COL5A1: variants seen among roughly 807,000 people sequenced by gnomAD.
COL5A1 encodes the protein collagen type V alpha 1 chain.
In COL5A1, 16 loss-of-function variants were observed where a neutral mutation model predicts 263.7. The ratio of observed to expected loss-of-function variants is 0.06; its 90% CI spans 0.04 to 0.09. The LOEUF is 0.09. Among genes scored for constraint, COL5A1 ranks in the 10% least tolerant of loss-of-function variants. The pLI is 1.00. For missense variants in COL5A1, 2,036 were observed against 2,540.5 expected (o/e 0.80, Z 4.27); for synonymous variants, 1,012 against 1,004.5 (o/e 1.01, Z -0.14).
rs1341828484 is a variant in COL5A1 at position 134,647,453 on chromosome 9, ATG to A, written c.109+5161_109+5162del. Among the ~76,000 whole-genome samples, 1 of 152,134 alleles carries A rather than the reference ATG, an allele frequency of 6.6e-6. No homozygotes were observed. Among genetic ancestry groups the A allele is most frequent in the Non-Finnish European group, 1.5e-5 (1 of 68,016 alleles). On this transcript the variant is annotated intron_variant, in intron 1 of 65. Coordinates refer to ENST00000371817, the MANE Select transcript of COL5A1 (RefSeq NM_000093.5). The surrounding 1 kb of genome is among the most constrained non-coding windows in gnomAD (Gnocchi z 5.0). Reference sequence around the variant, plus strand: ...ATCTCCCCGCGATCTGCCTGCACACATGTGTTTGTGGGTATACATGTGTGTTT... The same window carrying A: ...ATCTCCCCGCGATCTGCCTGCACACATGTTTGTGGGTATACATGTGTGTTT...
At chr9:134,669,311 C>A (rs1020186167) in intron 1 of COL5A1, among the ~76,000 whole-genome samples, 1 of 129,956 alleles carries the variant, frequency 7.7e-6, no homozygotes, top group Non-Finnish European at 1.6e-5. Context: ...CCTCCCCTCC[C>A]CTTCCCTTCT....
At position 134,815,604 on chromosome 9, in the gene COL5A1, G is replaced by GC. The variant is rs758337699; in HGVS notation, c.4050dup (p.Gly1351ArgfsTer14). The GC allele has an allele frequency of 8.1e-6, 13 of 1,613,438 alleles. No individual in the cohort carries two copies. Among genetic ancestry groups the GC allele is most frequent in the Non-Finnish European group, 8.5e-7 (1 of 1,179,850 alleles). On this transcript the variant is annotated frameshift_variant, in exon 51 of 66. Coordinates refer to ENST00000371817, the MANE Select transcript of COL5A1 (RefSeq NM_000093.5). LOFTEE classifies it high-confidence loss of function. ...CCAGTGGGTTTTCCTGGAGATCCTG[G>GC]CCCCCCCGGAGAGCCTGGCCCCGCG...
rs372437771 is a variant in COL5A1, at chr9:134,714,661, G to A, written c.655-12605G>A. Among the ~76,000 whole-genome samples the A allele has an allele frequency of 1.3e-4, 14 of 109,702 alleles. No homozygotes were observed. In the East Asian group the frequency reaches 2.7e-3, roughly 21 times the overall value. The allele number at this position is 109,702 out of a possible 152,430, so 72.0% of individuals were successfully genotyped here. A position where few individuals can be genotyped will look rare whatever the true frequency, so the allele number is the denominator to read the frequency against. On this transcript the variant is annotated intron_variant, in intron 4 of 65. Transcript: ENST00000371817. ...TGATGGTGGTGGTGGTGGTGGAGGC[G>A]ATGATAGTGGTGGTGGTGGTGATGC...
intron 1 of COL5A1, among the ~76,000 whole-genome samples, chr9:134,665,312 C>T (rs1210097622): frequency 6.6e-6 from 1 of 152,236 alleles, no homozygotes; most frequent in Non-Finnish European, 1.5e-5. Context: ...GCAGCACTGT[C>T]TGGAAGGGCG....
Position 134,795,295 on chromosome 9 carries a change from A to T in COL5A1, c.2779A>T (p.Thr927Ser), listed in dbSNP as rs751530318. The T allele has an allele frequency of 5.6e-6, 9 of 1,613,714 alleles. No individual in the cohort carries two copies. The highest frequency in any genetic ancestry group is 6.8e-6 in the Non-Finnish European group (8 of 1,179,952). Residue 927 changes from threonine to serine, a missense_variant, in exon 34 of 66, where the codon ACT becomes TCT. By Grantham distance (58) the Thr-to-Ser change is moderately conservative. Transcript: ENST00000371817. Reference protein sequence around the residue: ...PRGERGPRGITGKPGPKGNSG... With the variant: ...PRGERGPRGISGKPGPKGNSG... ...GGGTGAAAGAGGCCCCCGGGGCATC[A>T]CTGGGAAGCCTGGCCCCAAGGTATG...
intron 25 of COL5A1, among the ~76,000 whole-genome samples, chr9:134,770,034 C>T (rs1219876616): frequency 2.0e-5 from 3 of 152,154 alleles, no homozygotes; most frequent in Admixed American, 6.5e-5. Context: ...TGTCCCTTCC[C>T]CAGCCCGAAT....
chr9:134,658,463 G>A (rs993106335), intron 1 of COL5A1, among the ~76,000 whole-genome samples: 14 of 152,120 alleles, frequency 9.2e-5, no homozygotes, highest in African/African-American at 2.2e-4. Flanking sequence ...GCCCCTGCAC[G>A]TCCCCCCGCC....
At chr9:134,668,954 CCCATCCATCCATCCAT>C (rs760262319) in intron 1 of COL5A1, among the ~76,000 whole-genome samples, 1 of 110,396 alleles carries the variant, frequency 9.1e-6, no homozygotes, top group Non-Finnish European at 1.8e-5. Context: ...CACCCACCCA[CCCATCCATCCATCCAT>C]CCATCCATCC....
Position 134,843,533 on chromosome 9 carries a change from G to T in COL5A1, c.*1230G>T, listed in dbSNP as rs138607614. The T allele has an allele frequency of 4.6e-5, 7 of 152,762 alleles. No homozygotes were observed. The highest frequency in any genetic ancestry group is 1.7e-4 in the African/African-American group (7 of 41,530). The allele number at this position is 152,762 out of a possible 1,614,324, so 9.5% of individuals were successfully genotyped here. On this transcript the variant is annotated 3_prime_UTR_variant, in exon 66 of 66. Coordinates refer to ENST00000371817, the MANE Select transcript of COL5A1 (RefSeq NM_000093.5). ...ATGCACGTCACTTTCCTTTCCACTG[G>T]GCAGGATAGCCAAGCACACTCCCTC...
At chr9:134,805,368 G>A (rs920071493) in intron 41 of COL5A1, among the ~76,000 whole-genome samples, 154 bp downstream of exon 41, 3 of 152,152 alleles carry the variant, frequency 2.0e-5, no homozygotes, top group South Asian at 2.1e-4. Flanking sequence ...AGGGAGATGC[G>A]GACGGCGCAT....
intron 4 of COL5A1, among the ~76,000 whole-genome samples, chr9:134,703,070 G>A (rs1440183942): frequency 6.6e-6 from 1 of 152,242 alleles, no homozygotes; most frequent in Non-Finnish European, 1.5e-5. Context: ...ACGCTCTGTG[G>A]AATGAGATGG....
At chr9:134,658,387 C>CG (rs1327162314) in intron 1 of COL5A1, among the ~76,000 whole-genome samples, 2 of 152,162 alleles carry the variant, frequency 1.3e-5, no homozygotes, top group East Asian at 3.9e-4. Context: ...TCTGGCTGCC[C>CG]GGGTCTCCAG....
intron 53 of COL5A1, 103 bp downstream of exon 53, chr9:134,817,182 C>T (rs1196152437): frequency 1.0e-5 from 11 of 1,058,816 alleles, no homozygotes; most frequent in Admixed American, 1.8e-5. Context: ...CTAAGCTGCA[C>T]TGATGAGGAA....
At chr9:134,651,221 C>T (rs1831675996) in intron 1 of COL5A1, among the ~76,000 whole-genome samples, 3 of 152,190 alleles carry the variant, frequency 2.0e-5, no homozygotes, top group Admixed American at 2.0e-4. Context: ...ATCTGGTGGC[C>T]TCTTTATTTT....
Position 134,677,201 on chromosome 9 carries a change from T to C in COL5A1, c.110-13711T>C, listed in dbSNP as rs2132523108. ...TCTCTGCTGGATGCTACCTTGAATA[T>C]TCAGAATAACTTACTTGAGAGTGGG... On this transcript the variant is annotated intron_variant, in intron 1 of 65. Transcript: ENST00000371817. The surrounding 1 kb of genome is among the most constrained non-coding windows in gnomAD (Gnocchi z 4.4). 6.6e-6 allele frequency among the ~76,000 whole-genome samples: 1 copy of C among 152,286 alleles called. No homozygotes were observed. Among genetic ancestry groups the C allele is most frequent in the South Asian group, 2.1e-4 (1 of 4,820 alleles).
In COL5A1 at chr9:134,753,881, A is replaced by G; in HGVS notation, c.1751A>G (p.Glu584Gly). The change falls in exon 15 of 66, where the codon GAG becomes GGG. Residue 584 changes from glutamate (E) to glycine (G), a missense_variant. Glu to Gly is a moderately conservative substitution (Grantham distance 98). Transcript: ENST00000371817. ...CCTGGGAGCGGAGGTTTGAAGGGCG[A>G]GCCGGGAGACGTGGGGCCTCAGGTA... ...GPPGSGGLKGEPGDVGPQGPR... is the reference protein window; with the variant it reads ...GPPGSGGLKGGPGDVGPQGPR... The G allele has an allele frequency of 6.2e-7, 1 of 1,612,716 alleles. No individual in the cohort carries two copies. The highest frequency in any genetic ancestry group is 8.5e-7 in the Non-Finnish European group (1 of 1,179,710).
intron 60 of COL5A1, 62 bp downstream of exon 60, chr9:134,823,095 C>T (rs986294668): frequency 2.5e-6 from 4 of 1,583,396 alleles, no homozygotes; most frequent in Non-Finnish European, 2.6e-6. Flanking sequence ...GACGGGTCCC[C>T]TGGCACGGGA....
chr9:134,705,406 T>G (rs1198951492), intron 4 of COL5A1, among the ~76,000 whole-genome samples: 2 of 152,176 alleles, frequency 1.3e-5, no homozygotes, highest in African/African-American at 4.8e-5. Flanking sequence ...TCCCAGCCCC[T>G]GAGTCTGGTT....
intron 38 of COL5A1, among the ~76,000 whole-genome samples, chr9:134,802,405 C>T (rs1838147348): frequency 6.6e-6 from 1 of 152,324 alleles, no homozygotes; most frequent in Admixed American, 6.5e-5. Context: ...TCAGGGGCAG[C>T]TTAGAGCCAG....
Sources: gnomAD v4.1 joint callset for allele counts (sites outside exome capture counted in the v4.1 genomes callset) on GRCh38, gnomAD v4.1.1 for gene constraint, Gnocchi (gnomAD v3.1) non-coding constraint, MANE v1.5 for transcripts, NCBI Gene and HGNC (gene_info 2026-07-23, HGNC 2026-07-21) for gene names.